Variants in MTIF2 observed in about 807,000 individuals in gnomAD.
The protein encoded by MTIF2 is mitochondrial translational initiation factor 2.
In MTIF2, 71 loss-of-function variants were observed where a neutral mutation model predicts 83.5. The observed-to-expected ratio is 0.85, with a 90% CI of 0.70 to 1.04. MTIF2 has a LOEUF of 1.04. Among genes scored for constraint, MTIF2 ranks in the 50% least tolerant of loss-of-function variants. MTIF2 has a pLI of 0.00. For synonymous variants in MTIF2, 319 were observed against 287.1 expected, an observed-to-expected ratio of 1.11 and a Z score of -1.12; for missense variants, 957 against 846.5, an observed-to-expected ratio of 1.13 and a Z score of -1.62.
At chr2:55,263,551 G>A (rs139891571) in intron 4 of MTIF2, 89 bp downstream of exon 4, 27 of 971,492 alleles carry the variant, frequency 2.8e-5, no homozygotes, top group Non-Finnish European at 3.6e-5. Context: ...CGTAGGTTGC[G>A]GTGAGCTGAG....
intron 9 of MTIF2, among the ~76,000 whole-genome samples, chr2:55,247,978 C>G (rs1435173042): frequency 6.6e-6 from 1 of 152,170 alleles, no homozygotes; most frequent in Non-Finnish European, 1.5e-5. Flanking sequence ...GCAACCTCTG[C>G]CTCCCTGGCT....
intron 5 of MTIF2, 46 bp downstream of exon 5, chr2:55,262,270 T>C: frequency 7.7e-7 from 1 of 1,303,364 alleles, no homozygotes; most frequent in Non-Finnish European, 1.1e-6. Context: ...AAATGCCCGG[T>C]CTTCCAACAT....
rs755256752 is a variant in MTIF2 at position 55,236,598 on chromosome 2, C to T, written c.*50G>A. On this transcript the variant is annotated 3_prime_UTR_variant, in exon 16 of 16. Transcript: ENST00000263629. Reference sequence around the variant, plus strand: ...CTTTTTGGCCAGTAGTAGTGCATTTCTACCTTCAAACAAACAACACGTTGA... The same window carrying T: ...CTTTTTGGCCAGTAGTAGTGCATTTTTACCTTCAAACAAACAACACGTTGA... 1 of 1,502,028 alleles carries T rather than the reference C, an allele frequency of 6.7e-7. No homozygotes were observed. The highest frequency in any genetic ancestry group is 2.3e-5 in the Admixed American group (1 of 44,278). 93.0% of individuals were successfully genotyped at this position (1,502,028 alleles called of 1,614,324 possible).
chr2:55,241,469 T>TA (rs1320496354), intron 13 of MTIF2, among the ~76,000 whole-genome samples: 2 of 151,026 alleles, frequency 1.3e-5, no homozygotes, highest in African/African-American at 4.9e-5. Context: ...ACTCTTGTCT[T>TA]AAACAAAATG....
intron 5 of MTIF2, among the ~76,000 whole-genome samples, chr2:55,261,504 G>C (rs1234841166): frequency 6.6e-6 from 1 of 152,068 alleles, no homozygotes; most frequent in Non-Finnish European, 1.5e-5. Context: ...CTCCTCAGGA[G>C]GCTGAGGCAG....
chr2:55,259,381 G>C (rs956207656), intron 5 of MTIF2, among the ~76,000 whole-genome samples: 1 of 151,914 alleles, frequency 6.6e-6, no homozygotes, highest in Non-Finnish European at 1.5e-5. Flanking sequence ...TAGACAATCA[G>C]TTTGGGGTTT....
Position 55,254,049 on chromosome 2 carries a change from G to C in MTIF2, c.656C>G (p.Ala219Gly). The change falls in exon 7 of 16, where the codon GCC becomes GGC. Residue 219 changes from alanine (A) to glycine (G), a missense_variant. Ala to Gly is a moderately conservative substitution (Grantham distance 60, BLOSUM62 0). Coordinates refer to ENST00000263629, the MANE Select transcript of MTIF2 (RefSeq NM_002453.3). ...ETGGITQHIG[A>G]FLVSLPSGEK... ...GTAATTTGTGTTCATACCAAGAAAG[G>C]CACCAATGTGCTGAGTGATGCCTCC... is the stretch of plus-strand genomic sequence containing the variant. 2.5e-6 allele frequency: 4 copies of C among 1,613,874 alleles called. No individual in the cohort carries two copies. The highest frequency in any genetic ancestry group is 3.4e-6 in the Non-Finnish European group (4 of 1,179,952).
At position 55,236,919 on chromosome 2, in the gene MTIF2, C is replaced by T. The variant is rs1245235246; in HGVS notation, c.2012-99G>A. 8.0e-6 allele frequency: 8 copies of T among 1,003,850 alleles called. No homozygotes were observed. In the East Asian group the frequency reaches 1.8e-4, roughly 23 times the overall value. 62.2% of individuals were successfully genotyped at this position (1,003,850 alleles called of 1,614,324 possible). A position where few individuals can be genotyped will look rare whatever the true frequency, so the allele number is the denominator to read the frequency against. On this transcript the variant is annotated intron_variant, in intron 15 of 15. Coordinates refer to ENST00000263629, the MANE Select transcript of MTIF2 (RefSeq NM_002453.3). ...TTAACCAGGAAATTACACTGAAATTCTTAAAAATTTTATGGTCTTGTCAAG... is the reference window on the plus strand; with the variant it reads ...TTAACCAGGAAATTACACTGAAATTTTTAAAAATTTTATGGTCTTGTCAAG...
intron 5 of MTIF2, among the ~76,000 whole-genome samples, chr2:55,255,931 C>T (rs1458004151): frequency 6.6e-6 from 1 of 151,896 alleles, no homozygotes; most frequent in African/African-American, 2.4e-5. Context: ...GGCTGAAGTG[C>T]AGTGGGGCAA....
intron 14 of MTIF2, 35 bp downstream of exon 14, chr2:55,239,973 ATAC>A (rs765267192): frequency 6.4e-7 from 1 of 1,570,398 alleles, no homozygotes; most frequent in Non-Finnish European, 8.7e-7. Flanking sequence ...AGCACCTAAT[ATAC>A]TAATTTTTAA....
intron 9 of MTIF2, among the ~76,000 whole-genome samples, chr2:55,248,087 A>G (rs1676833821): frequency 1.3e-5 from 2 of 152,128 alleles, no homozygotes. Context: ...ACAAGGTCTC[A>G]TCATGTTGCC....
intron 2 of MTIF2, among the ~76,000 whole-genome samples, 183 bp downstream of exon 2, chr2:55,268,395 T>G (rs149006823): frequency 6.6e-6 from 1 of 152,060 alleles, no homozygotes; most frequent in Non-Finnish European, 1.5e-5. Context: ...CAGGATTCCT[T>G]GAGAAAATAA....
At chr2:55,240,685 G>T (rs954715657) in intron 13 of MTIF2, among the ~76,000 whole-genome samples, 4 of 152,128 alleles carry the variant, frequency 2.6e-5, no homozygotes, top group Admixed American at 2.6e-4. Flanking sequence ...CTGTATTGTG[G>T]CTTGTTTAAC....
At chr2:55,248,560 T>C (rs1676865457) in intron 9 of MTIF2, among the ~76,000 whole-genome samples, 1 of 152,176 alleles carries the variant, frequency 6.6e-6, no homozygotes, top group African/African-American at 2.4e-5. Flanking sequence ...AAAACACTTA[T>C]AAGAGGCAAG....
chr2:55,257,242 G>C (rs1254925211), intron 5 of MTIF2, among the ~76,000 whole-genome samples: 2 of 152,178 alleles, frequency 1.3e-5, no homozygotes, highest in Non-Finnish European at 2.9e-5. Context: ...CACTTTGGGA[G>C]GCCGAGGTGG....
At chr2:55,259,731 G>A (rs1015512971) in intron 5 of MTIF2, among the ~76,000 whole-genome samples, 5 of 152,140 alleles carry the variant, frequency 3.3e-5, no homozygotes, top group African/African-American at 1.2e-4. Context: ...ATCACTTGAG[G>A]TCAGGAGTTC....
In MTIF2 at chr2:55,254,188, G is replaced by T. The variant is rs1459953981; in HGVS notation, c.517C>A (p.Pro173Thr). ...KDAVRRPQAD[P>T]ALLTPRSPVV... ...GGGGACCTTGGGGTTAATAAAGCTG[G>T]ATCTGCCTGGGGCCTACAATTAACA... is the stretch of plus-strand genomic sequence containing the variant. Residue 173 changes from proline (P) to threonine (T), a missense_variant, in exon 7 of 16, where the codon CCA becomes ACA. Physicochemically the swap from Pro to Thr is conservative, Grantham distance 38. Coordinates refer to ENST00000263629, the MANE Select transcript of MTIF2 (RefSeq NM_002453.3). 2 of 1,613,810 alleles carry T rather than the reference G, an allele frequency of 1.2e-6. No individual in the cohort carries two copies. Among genetic ancestry groups the T allele is most frequent in the Non-Finnish European group, 8.5e-7 (1 of 1,179,928 alleles).
intron 3 of MTIF2, among the ~76,000 whole-genome samples, chr2:55,264,953 T>A (rs878891976): frequency 6.6e-6 from 1 of 152,004 alleles, no homozygotes. Flanking sequence ...AAAAAGAACA[T>A]GTTTTCCAGC....
chr2:55,246,478 C>T lies in MTIF2; in HGVS notation c.982-17G>A, dbSNP rs188540039. 1,726 of 1,604,124 alleles carry T rather than the reference C, an allele frequency of 1.1e-3. 6 individuals are homozygous for T. The highest frequency in any genetic ancestry group is 3.3e-3 in the Middle Eastern group (20 of 6,042). ...ATTATCGCCCTTTAACAATAACAAA[C>T]GTTGTTAATACACATTAATAAATAT... On this transcript the variant is annotated splice_polypyrimidine_tract_variant and intron_variant, in intron 9 of 15. Coordinates refer to ENST00000263629, the MANE Select transcript of MTIF2 (RefSeq NM_002453.3).
Sources: gnomAD v4.1 joint callset for allele counts (sites outside exome capture counted in the v4.1 genomes callset) on GRCh38, gnomAD v4.1.1 for gene constraint, MANE v1.5 for transcripts, NCBI Gene and HGNC (gene_info 2026-07-23, HGNC 2026-07-21) for gene names.